The following PRH1 variants were observed in gnomAD, a reference collection of about 807,000 sequenced individuals.
PRH1 encodes the protein salivary acidic proline-rich phosphoprotein 1/2.
A neutral mutation model predicts 7.9 loss-of-function variants in PRH1; 7 were observed. The ratio of observed to expected loss-of-function variants is 0.89; its 90% CI spans 0.50 to 1.67. The LOEUF is 1.67. Ranked by LOEUF, PRH1 falls within the 40% of genes most tolerant of loss-of-function variation. PRH1 has a pLI of 0.00. For missense variants in PRH1, 109 were observed against 223.6 expected (o/e 0.49, Z 3.27); for synonymous variants, 45 against 80.8 (o/e 0.56, Z 2.38).
chr12:11,059,681 T>TATCACTATATATATATA (rs1943506075), intron 1 of PRH1, among the ~76,000 whole-genome samples: 15 of 148,856 alleles, frequency 1.0e-4, no homozygotes, highest in Middle Eastern at 3.5e-3. Flanking sequence ...CAAGACTATA[T>TATCACTATATATATATA]TATTGTCATA....
intron 2 of PRH1, among the ~76,000 whole-genome samples, chr12:10,916,741 G>T (rs576500012): frequency 6.6e-6 from 1 of 152,054 alleles, no homozygotes; most frequent in Admixed American, 6.5e-5. Context: ...AAATGGATTA[G>T]TGTTATCATC....
At chr12:11,016,645 G>A (rs904984664) in intron 1 of PRH1, among the ~76,000 whole-genome samples, 2 of 89,028 alleles carry the variant, frequency 2.2e-5, no homozygotes, top group African/African-American at 6.2e-5. Context: ...CCAGCCTGCA[G>A]AGGGAGTTTT....
intron 1 of PRH1, among the ~76,000 whole-genome samples, chr12:11,136,374 A>T (rs1221269363): frequency 1.3e-5 from 2 of 152,106 alleles, no homozygotes; most frequent in Non-Finnish European, 2.9e-5. Context: ...TGATTCACCC[A>T]TCCTTAATGT....
At chr12:10,923,123 C>G (rs1345456590) in intron 2 of PRH1, among the ~76,000 whole-genome samples, 1 of 149,694 alleles carries the variant, frequency 6.7e-6, no homozygotes, top group Non-Finnish European at 1.5e-5. Context: ...CCACCGCGCC[C>G]GGCCCTTTTT....
intron 1 of PRH1, among the ~76,000 whole-genome samples, chr12:11,107,342 A>G (rs992918024): frequency 2.0e-5 from 3 of 152,178 alleles, no homozygotes; most frequent in African/African-American, 7.2e-5. Flanking sequence ...GGTTCAGAAA[A>G]GCATGATACC....
intron 1 of PRH1, among the ~76,000 whole-genome samples, chr12:11,019,745 T>C (rs1941498219): frequency 6.6e-6 from 1 of 152,294 alleles, no homozygotes. Flanking sequence ...TTACTTCTTT[T>C]GAGTTTACTT....
intron 2 of PRH1, among the ~76,000 whole-genome samples, chr12:10,965,578 A>C (rs1374373539): frequency 6.6e-6 from 1 of 152,246 alleles, no homozygotes; most frequent in Non-Finnish European, 1.5e-5. Context: ...CAAACAGCTC[A>C]ACTTAATTCA....
intron 2 of PRH1, among the ~76,000 whole-genome samples, chr12:10,940,836 G>A (rs1950387622): frequency 6.6e-6 from 1 of 152,200 alleles, no homozygotes; most frequent in Admixed American, 6.5e-5. Flanking sequence ...AGAGAAAGAT[G>A]TAAGGTGTTC....
chr12:11,142,210 G>T (rs1458543497), intron 1 of PRH1, among the ~76,000 whole-genome samples: 1 of 152,182 alleles, frequency 6.6e-6, no homozygotes, highest in Non-Finnish European at 1.5e-5. Context: ...TCACAGAGTT[G>T]TACAAGCAAC....
rs551624874 is a variant in PRH1 at position 11,010,395 on chromosome 12, G to A, written c.-126+36625C>T. 2.6e-5 allele frequency among the ~76,000 whole-genome samples: 4 copies of A among 151,908 alleles called. No individual in the cohort carries two copies. The South Asian group carries it at 8.3e-4, about 32-fold the overall frequency. ...CCTAAGTGCTGGAATTCAGGGCAAT[G>A]GGAGAACACTATTTTAATTTTTCTT... On this transcript the variant is annotated intron_variant, in intron 1 of 3. Coordinates refer to the PRH1 transcript ENST00000539853.
chr12:10,987,479 G>A (rs1294592247), intron 1 of PRH1, among the ~76,000 whole-genome samples: 1 of 151,924 alleles, frequency 6.6e-6, no homozygotes, highest in African/African-American at 2.4e-5. Context: ...TCTGGTTGCT[G>A]CTAACCCAAT....
chr12:10,988,839 C>G (rs765597520), intron 1 of PRH1, among the ~76,000 whole-genome samples: 2 of 152,178 alleles, frequency 1.3e-5, no homozygotes, highest in Non-Finnish European at 2.9e-5. Context: ...CAGAGTCTCG[C>G]TCTATCACCC....
At chr12:11,031,475 C>T (rs920959721) in intron 1 of PRH1, 28 of 1,017,414 alleles carry the variant, frequency 2.8e-5, no homozygotes, top group Admixed American at 5.7e-5. Context: ...TTAAAGATGG[C>T]ATGGACCCAA....
chr12:10,885,216 T>C (rs1224426404), upstream of PRH1, among the ~76,000 whole-genome samples: 2 of 152,210 alleles, frequency 1.3e-5, no homozygotes, highest in African/African-American at 2.4e-5. Context: ...ATTGCCTTGA[T>C]TGGTCTTCTG....
intron 1 of PRH1, among the ~76,000 whole-genome samples, chr12:11,143,600 G>A (rs748955135): frequency 6.6e-6 from 1 of 151,910 alleles, no homozygotes. Flanking sequence ...AACACAATTC[G>A]CCTATACAGA....
In PRH1 at chr12:10,938,593, C is replaced by A. The variant is rs778773822; in HGVS notation, c.-59+35062G>T. 8.7e-6 allele frequency: 14 copies of A among 1,613,742 alleles called. No individual in the cohort carries two copies. Among genetic ancestry groups the A allele is most frequent in the Non-Finnish European group, 1.2e-5 (14 of 1,179,918 alleles). The stretch of plus-strand genomic sequence containing the variant: ...GCTGCATCTTCTTGCGATGTTTCCA[C>A]ATGGAGAAGATGAGGAGAAGAAACA... On this transcript the variant is annotated intron_variant, in intron 2 of 3. Transcript: ENST00000539853.
chr12:11,037,952 G>C (rs185560561), intron 1 of PRH1, among the ~76,000 whole-genome samples: 166 of 152,366 alleles, frequency 1.1e-3, no homozygotes, highest in African/African-American at 3.8e-3. Flanking sequence ...TGAGATGGGA[G>C]AATCACTTGA....
chr12:11,006,007 TGTTA>T (rs1940813449), intron 1 of PRH1: 2 of 152,244 alleles, frequency 1.3e-5, no homozygotes, highest in African/African-American at 4.8e-5. Flanking sequence ...GAAGAATAGA[TGTTA>T]GTATTAGTCT....
At chr12:10,885,874 C>G (rs1429276818), upstream of PRH1, among the ~76,000 whole-genome samples, 1 of 152,140 alleles carries the variant, frequency 6.6e-6, no homozygotes, top group Non-Finnish European at 1.5e-5. Context: ...GGATCCTGTG[C>G]TGGGCATATG....
Sources: gnomAD v4.1 joint callset for allele counts (sites outside exome capture counted in the v4.1 genomes callset) on GRCh38, gnomAD v4.1.1 for gene constraint, MANE v1.5 for transcripts, NCBI Gene and HGNC (gene_info 2026-07-23, HGNC 2026-07-21) for gene names.